The following FNDC3A variants were observed in gnomAD, a reference collection of about 807,000 sequenced individuals.
The protein encoded by FNDC3A is fibronectin type III domain containing 3A.
Under a neutral mutation model 148.9 loss-of-function variants are expected in FNDC3A, and 32 were observed. That is an observed-to-expected ratio of 0.21 (90% CI 0.16 to 0.29). The LOEUF (loss-of-function observed/expected upper bound fraction) is 0.29. Among genes scored for constraint, FNDC3A ranks in the 10% least tolerant of loss-of-function variants. The pLI, the probability that FNDC3A is intolerant of heterozygous loss-of-function variation, is 1.00. For synonymous variants in FNDC3A, 472 were observed against 473.6 expected, an observed-to-expected ratio of 1.00 and a Z score of 0.04; for missense variants, 1,191 against 1,452.8, an observed-to-expected ratio of 0.82 and a Z score of 2.93.
chr13:49,087,033 T>C (rs980774626), intron 3 of FNDC3A, among the ~76,000 whole-genome samples: 2 of 152,134 alleles, frequency 1.3e-5, no homozygotes, highest in East Asian at 1.9e-4. Context: ...AAGTGTGTTA[T>C]ATAAGACTTA....
chr13:49,029,772 A>G (rs907782233), intron 2 of FNDC3A, among the ~76,000 whole-genome samples: 1 of 152,208 alleles, frequency 6.6e-6, no homozygotes, highest in African/African-American at 2.4e-5. Context: ...CAAGAATGAG[A>G]GAGTAGACAT....
intron 2 of FNDC3A, among the ~76,000 whole-genome samples, chr13:49,019,573 C>G (rs893216899): frequency 1.3e-5 from 2 of 152,252 alleles, no homozygotes; most frequent in Admixed American, 6.5e-5. Context: ...CTGCGTCGCT[C>G]TCTCTGGGAG....
chr13:49,200,643 CT>C (rs1886379163), intron 23 of FNDC3A, among the ~76,000 whole-genome samples: 1 of 151,934 alleles, frequency 6.6e-6, no homozygotes, highest in Non-Finnish European at 1.5e-5. Flanking sequence ...GATATAAATT[CT>C]ATTATAGAAC....
chr13:49,183,039 A>G (rs1885386741), intron 14 of FNDC3A, among the ~76,000 whole-genome samples: 1 of 152,024 alleles, frequency 6.6e-6, no homozygotes, highest in Admixed American at 6.6e-5. Flanking sequence ...CTAAGAAACA[A>G]TTTCCTTAGT....
intron 19 of FNDC3A, among the ~76,000 whole-genome samples, chr13:49,195,638 T>A (rs1438210417): frequency 1.3e-5 from 2 of 152,226 alleles, no homozygotes; most frequent in African/African-American, 4.8e-5. Flanking sequence ...TTTATTAACA[T>A]TTTTATTGGT....
At chr13:49,136,662 A>G in intron 6 of FNDC3A, 61 bp downstream of exon 6, 2 of 1,497,332 alleles carry the variant, frequency 1.3e-6, no homozygotes, top group East Asian at 2.3e-5. Flanking sequence ...TAACCTACTA[A>G]AAGTATATTC....
At chr13:49,140,467 A>G (rs1170331534) in intron 7 of FNDC3A, among the ~76,000 whole-genome samples, 1 of 152,220 alleles carries the variant, frequency 6.6e-6, no homozygotes, top group Non-Finnish European at 1.5e-5. Context: ...TCATAAAGTA[A>G]TGCTGATGGT....
rs200515980 is a variant in FNDC3A at position 49,115,186 on chromosome 13, G to T, written c.252+455G>T. On this transcript the variant is annotated intron_variant, in intron 4 of 25. Coordinates refer to ENST00000492622, the MANE Select transcript of FNDC3A (RefSeq NM_001079673.2). ...AGTTTAGCAACCCTGAGGGATGAGGGGGGGGGGGAAATAAAAAAAAAAAAT... is the reference window on the plus strand; with the variant it reads ...AGTTTAGCAACCCTGAGGGATGAGGTGGGGGGGGAAATAAAAAAAAAAAAT... 1.5e-4 allele frequency among the ~76,000 whole-genome samples: 15 copies of T among 97,080 alleles called. 1 individual carries two copies. The highest frequency in any genetic ancestry group is 7.6e-4 in the East Asian group (3 of 3,940). The allele number at this position is 97,080 out of a possible 152,430, so 63.7% of individuals were successfully genotyped here.
intron 2 of FNDC3A, among the ~76,000 whole-genome samples, chr13:49,066,905 A>G (rs577281540): frequency 1.1e-4 from 17 of 152,244 alleles, no homozygotes; most frequent in African/African-American, 3.9e-4. Flanking sequence ...ACCCATTCAT[A>G]TGAGACTAGC....
intron 1 of FNDC3A, among the ~76,000 whole-genome samples, chr13:49,002,123 CAG>C (rs916092155): frequency 3.9e-5 from 6 of 152,324 alleles, no homozygotes; most frequent in African/African-American, 1.4e-4. Context: ...ACGTGACTAT[CAG>C]GGGCAGGTTC....
intron 17 of FNDC3A, 120 bp downstream of exon 17, chr13:49,188,753 A>AAC (rs1353850395): frequency 1.4e-6 from 1 of 704,236 alleles, no homozygotes; most frequent in Non-Finnish European, 2.6e-6. Flanking sequence ...TAACTTCTGT[A>AAC]ACCTGTTGGG....
rs1375665603 is a variant in FNDC3A, at chr13:49,174,550, A to G, written c.1346A>G (p.Tyr449Cys). The G allele has an allele frequency of 3.7e-6, 6 of 1,611,882 alleles. No individual in the cohort carries two copies. The highest frequency in any genetic ancestry group is 1.3e-5 in the African/African-American group (1 of 74,860). Reference sequence around the variant, plus strand: ...TTCAGACTATCGGCCAGAAATGACTATGGTACAAGGTAAGGTGTACTTTAT... The same window carrying G: ...TTCAGACTATCGGCCAGAAATGACTGTGGTACAAGGTAAGGTGTACTTTAT... The part of the protein sequence containing the change: ...CKFRLSARND[Y>C]GTSGFSEEVL... Residue 449 changes from tyrosine (Y) to cysteine (C), a missense_variant, in exon 12 of 26, where the codon TAT becomes TGT. By Grantham distance (194) the Tyr-to-Cys change is radical. Around this residue, in one of 3 missense-constraint regions of FNDC3A, gnomAD observed 751 missense variants for 944.0 expected, o/e 0.80. Coordinates refer to ENST00000492622, the MANE Select transcript of FNDC3A (RefSeq NM_001079673.2).
At chr13:49,076,487 C>T (rs1338295812) in intron 3 of FNDC3A, among the ~76,000 whole-genome samples, 1 of 151,700 alleles carries the variant, frequency 6.6e-6, no homozygotes, top group African/African-American at 2.4e-5. Flanking sequence ...TCAGGTGATC[C>T]GCCCACCTCA....
chr13:49,052,792 C>G (rs940936360), intron 2 of FNDC3A, among the ~76,000 whole-genome samples: 1 of 152,104 alleles, frequency 6.6e-6, no homozygotes, highest in Non-Finnish European at 1.5e-5. Flanking sequence ...TGAGAGATTA[C>G]GACCATTGTC....
At chr13:49,144,447 T>C (rs1475284044) in intron 7 of FNDC3A, among the ~76,000 whole-genome samples, 1 of 152,214 alleles carries the variant, frequency 6.6e-6, no homozygotes, top group East Asian at 1.9e-4. Context: ...TTACTTAATT[T>C]TACTTTAATT....
chr13:49,175,431 G>A lies in FNDC3A; in HGVS notation c.1420G>A (p.Val474Ile), dbSNP rs1566307003. 8 of 1,613,136 alleles carry A rather than the reference G, an allele frequency of 5.0e-6. No homozygotes were observed. In the African/African-American group the frequency reaches 5.3e-5, roughly 11 times the overall value. Reference protein sequence around the residue: ...GCAPSMPASPVLTKAGITWLS... With the variant: ...GCAPSMPASPILTKAGITWLS... ...TGCTCCTTCTATGCCAGCAAGTCCT[G>A]TATTAACCAAGGCTGGAATTACTTG... The change falls in exon 13 of 26, where the codon GTA becomes ATA. Residue 474 changes from valine to isoleucine, a missense_variant. Around this residue, in one of 3 missense-constraint regions of FNDC3A, gnomAD observed 751 missense variants for 944.0 expected, o/e 0.80. Transcript: ENST00000492622.
At chr13:49,067,548 T>G (rs888630076) in intron 2 of FNDC3A, among the ~76,000 whole-genome samples, 1 of 152,216 alleles carries the variant, frequency 6.6e-6, no homozygotes, top group African/African-American at 2.4e-5. Context: ...TGTACCATTA[T>G]TGGAACGCTA....
chr13:49,010,962 G>A (rs1200767458), intron 2 of FNDC3A, among the ~76,000 whole-genome samples: 1 of 152,086 alleles, frequency 6.6e-6, no homozygotes, highest in Non-Finnish European at 1.5e-5. Context: ...CCTCCTTACT[G>A]TTGTTGAAAT....
intron 16 of FNDC3A, chr13:49,187,794 C>G: frequency 1.5e-6 from 1 of 661,878 alleles, no homozygotes; most frequent in South Asian, 1.9e-5. Flanking sequence ...TAGGATTTTG[C>G]CTGTTATGAT....
Sources: allele counts gnomAD v4.1 joint callset (sites outside exome capture counted in the v4.1 genomes callset), GRCh38; gene constraint gnomAD v4.1.1; regional missense constraint gnomAD v4.1.1; transcripts MANE v1.5; gene names NCBI Gene and HGNC (gene_info 2026-07-23, HGNC 2026-07-21).